The following ADAMTS7 variants were observed in gnomAD, a reference collection of about 807,000 sequenced individuals.
The protein encoded by ADAMTS7 is A disintegrin and metalloproteinase with thrombospondin motifs 7.
In ADAMTS7, 89 loss-of-function variants were observed where a neutral mutation model predicts 172.6. That is an observed-to-expected ratio of 0.52 (90% CI 0.43 to 0.61). The LOEUF is 0.61. Ranked by LOEUF, ADAMTS7 falls within the 20% of genes least tolerant of loss-of-function variation. The probability of loss-of-function intolerance (pLI) is 0.00; values close to 1 mark genes in which losing one functional copy is unlikely to be tolerated. For synonymous variants in ADAMTS7, 885 were observed against 978.4 expected (o/e 0.90, Z 1.78); for missense variants, 1,973 against 2,355.6 (o/e 0.84, Z 3.36).
chr15:78,767,739 A>C, intron 17 of ADAMTS7, 147 bp from the exon 18 acceptor site: 2 of 751,736 alleles, frequency 2.7e-6, no homozygotes, highest in Non-Finnish European at 4.2e-6. Flanking sequence ...CCAGAGCTCC[A>C]AGCTCAGGTA....
chr15:78,800,485 C>T lies in ADAMTS7; in HGVS notation c.163G>A (p.Gly55Ser), dbSNP rs1316067775. ...IVHPVRVDAGGSFLSYELWPR... is the reference protein window; with the variant it reads ...IVHPVRVDAGSSFLSYELWPR... ...CACAGCTCGTAGGACAGGAAGGAGC[C>T]CCCCGCGTCGACTCGAACCGGGTGC... The change falls in exon 2 of 24, where the codon GGC becomes AGC. Residue 55 changes from glycine (G) to serine (S), a missense_variant. Physicochemically the swap from Gly to Ser is moderately conservative, Grantham distance 56. This residue lies in a region of ADAMTS7 where 306 missense variants were observed against 288.0 expected (regional missense o/e 1.06). Transcript: ENST00000388820. The T allele has an allele frequency of 1.9e-6, 3 of 1,609,940 alleles. No homozygotes were observed. Among genetic ancestry groups the T allele is most frequent in the Non-Finnish European group, 2.5e-6 (3 of 1,178,676 alleles).
In ADAMTS7 at chr15:78,796,638, G is replaced by A; in HGVS notation, c.771C>T (p.Tyr257=). ...LVVADAKMVE[Y]HGQPQVESYV... The stretch of plus-strand genomic sequence containing the variant: ...AGCTCTCAACCTGCGGCTGTCCGTG[G>A]TACTCCACCATTTTGGCATCAGCTA... Residue 257 remains tyrosine, a synonymous_variant, in exon 4 of 24, where the codon TAC becomes TAT. Transcript: ENST00000388820. The A allele has an allele frequency of 6.2e-7, 1 of 1,614,088 alleles. No homozygotes were observed. The highest frequency in any genetic ancestry group is 1.1e-5 in the South Asian group (1 of 91,066).
chr15:78,766,340 C>G lies in ADAMTS7; in HGVS notation c.3571G>C (p.Glu1191Gln), dbSNP rs528774660. 2.4e-5 allele frequency: 39 copies of G among 1,610,948 alleles called. No homozygotes were observed. The South Asian group carries it at 3.3e-4, about 14-fold the overall frequency. The change falls in exon 19 of 24, where the codon GAG becomes CAG. Residue 1191 changes from glutamate (E) to glutamine (Q), a missense_variant. This residue lies in a region of ADAMTS7 where 771 missense variants were observed against 952.6 expected (regional missense o/e 0.81). Coordinates refer to ENST00000388820, the MANE Select transcript of ADAMTS7 (RefSeq NM_014272.5). ...TDGLQTPATP[E>Q]SQNDFPVGKD... is the part of the protein sequence containing the mutation. ...CCAACTGGGAAATCATTTTGGCTCT[C>G]AGGGGTGGCAGGTGTCTGCAGGCCA...
intron 8 of ADAMTS7, among the ~76,000 whole-genome samples, chr15:78,787,347 G>GA (rs758238548): frequency 0.37 from 38,691 of 105,426 alleles, 7,332 homozygotes; most frequent in East Asian, 0.52. Flanking sequence ...TAGCAAATTT[G>GA]AAAAAAAAAA....
Position 78,798,130 on chromosome 15 carries a change from A to G in ADAMTS7, c.457-17T>C, listed in dbSNP as rs772854723. On this transcript the variant is annotated splice_polypyrimidine_tract_variant and intron_variant, in intron 2 of 23. Transcript: ENST00000388820. ...CACACCTTTCTGGGGAAGAAGCACC[A>G]GGGTCACACAGGGAGGGCTGGCCCT... 1 of 1,536,458 alleles carries G rather than the reference A, an allele frequency of 6.5e-7. No individual in the cohort carries two copies. The highest frequency in any genetic ancestry group is 1.3e-5 in the South Asian group (1 of 79,112).
intron 16 of ADAMTS7, among the ~76,000 whole-genome samples, chr15:78,770,451 T>C (rs12591098): frequency 1 from 126,730 of 126,916 alleles, 63,272 homozygotes; most frequent in Non-Finnish European, 1. Context: ...GATCAAGGAA[T>C]GGCAGGGGAG....
Position 78,796,731 on chromosome 15 carries a change from CCGCCACTGCTGCCG to C in ADAMTS7, c.664_677del (p.Arg222AlafsTer25). On this transcript the variant is annotated frameshift_variant, in exon 4 of 24. Coordinates refer to ENST00000388820, the MANE Select transcript of ADAMTS7 (RefSeq NM_014272.5). LOFTEE classifies it high-confidence loss of function. The stretch of plus-strand genomic sequence containing the variant: ...GGTGTAGACGCCTCAGCCGTGGCCG[CCGCCACTGCTGCCG>C]CTGCTCCCAACGCTCCCGTCGAGAC... The C allele has an allele frequency of 6.2e-7, 1 of 1,611,934 alleles. No homozygotes were observed. Among genetic ancestry groups the C allele is most frequent in the Non-Finnish European group, 8.5e-7 (1 of 1,179,794 alleles).
intron 8 of ADAMTS7, among the ~76,000 whole-genome samples, chr15:78,783,558 G>A (rs1311686756): frequency 7.2e-5 from 11 of 152,116 alleles, no homozygotes; most frequent in East Asian, 3.9e-4. Flanking sequence ...GATTACAGGC[G>A]TGAGCCACCA....
At position 78,768,052 on chromosome 15, in the gene ADAMTS7, G is replaced by GA. The variant is rs1309934087; in HGVS notation, c.2645+80_2645+81insT. ...GGGTGGGGAGTTGGCGGGGGATGGG[G>GA]TGGGGAGTTGGCGGGGGATGGGGGT... On this transcript the variant is annotated intron_variant, in intron 17 of 23. Coordinates refer to ENST00000388820, the MANE Select transcript of ADAMTS7 (RefSeq NM_014272.5). The GA allele has an allele frequency of 3.9e-5, 44 of 1,121,434 alleles. 3 individuals carry two copies. Among genetic ancestry groups the GA allele is most frequent in the Non-Finnish European group, 5.1e-5 (40 of 791,844 alleles). The allele number at this position is 1,121,434 out of a possible 1,614,324, so 69.5% of individuals were successfully genotyped here.
intron 23 of ADAMTS7, among the ~76,000 whole-genome samples, chr15:78,761,427 G>A (rs1242148134): frequency 1.3e-5 from 2 of 152,184 alleles, no homozygotes; most frequent in African/African-American, 4.8e-5. Context: ...GTCAGCCCCA[G>A]GCCCTCTCCC....
chr15:78,767,146 C>T, intron 18 of ADAMTS7, 95 bp from the exon 19 acceptor site: 1 of 1,335,118 alleles, frequency 7.5e-7, no homozygotes, highest in Non-Finnish European at 1.0e-6. Context: ...TGCCCGATGT[C>T]AGAGTGGCAG....
rs71873869 is a variant in ADAMTS7 at position 78,770,166 on chromosome 15, C to CAAATA, written c.2518+991_2518+995dup. On this transcript the variant is annotated intron_variant, in intron 16 of 23. Coordinates refer to ENST00000388820, the MANE Select transcript of ADAMTS7 (RefSeq NM_014272.5). ...CAACAGAGTGAGACTCCATCTCTAA[C>CAAATA]AAATAAAATAAAATAAAATAAATAA... 7.6e-5 allele frequency among the ~76,000 whole-genome samples: 11 copies of CAAATA among 145,438 alleles called. No individual in the cohort carries two copies. The East Asian group carries it at 7.8e-4, about 10-fold the overall frequency.
At chr15:78,764,975 G>T in intron 19 of ADAMTS7, 1 of 379,242 alleles carries the variant, frequency 2.6e-6, no homozygotes, top group Non-Finnish European at 4.7e-6. Context: ...AGAGGTGGGG[G>T]GAGGGGACCC....
chr15:78,761,024 A>T, intron 23 of ADAMTS7, among the ~76,000 whole-genome samples: 1 of 152,122 alleles, frequency 6.6e-6, no homozygotes, highest in East Asian at 1.9e-4. Context: ...CATAAAGGTG[A>T]GAGACGTGGT....
At chr15:78,777,165 G>A in intron 9 of ADAMTS7, 1 of 572,626 alleles carries the variant, frequency 1.7e-6, no homozygotes, top group South Asian at 2.2e-5. Context: ...CTCCACAGGG[G>A]TTCCTTTTCC....
Position 78,773,277 on chromosome 15 carries a change from A to G in ADAMTS7, c.2011-74T>C. 2 of 1,344,994 alleles carry G rather than the reference A, an allele frequency of 1.5e-6. 1 individual carries two copies. Among genetic ancestry groups the G allele is most frequent in the Non-Finnish European group, 2.1e-6 (2 of 973,290 alleles). 83.3% of individuals were successfully genotyped at this position (1,344,994 alleles called of 1,614,324 possible). A position where few individuals can be genotyped will look rare whatever the true frequency, so the allele number is the denominator to read the frequency against. ...TGTGGCCCCAGCCCCGGGGCCAGCC[A>G]GAGTCAGGAGAAGAAAGCTGGGAGT... On this transcript the variant is annotated intron_variant, in intron 13 of 23. Coordinates refer to ENST00000388820, the MANE Select transcript of ADAMTS7 (RefSeq NM_014272.5).
At chr15:78,760,682 A>G (rs1259349512) in intron 23 of ADAMTS7, among the ~76,000 whole-genome samples, 65 of 152,090 alleles carry the variant, frequency 4.3e-4, no homozygotes, top group Admixed American at 4.3e-3. Flanking sequence ...AGCTTTCCAC[A>G]TGTCCCGCCA....
Position 78,780,053 on chromosome 15 carries a change from C to T in ADAMTS7, c.1323-2465G>A, listed in dbSNP as rs1282710160. On this transcript the variant is annotated intron_variant, in intron 8 of 23. Transcript: ENST00000388820. ...GATGCTGTGTGGCCTTGGGCCTTCA[C>T]GTCCTCATCTACAAGAGGCTGATCC... Among the ~76,000 whole-genome samples, 6 of 145,704 alleles carry T rather than the reference C, an allele frequency of 4.1e-5. No homozygotes were observed. In the South Asian group the frequency reaches 7.1e-4, roughly 17 times the overall value.
At position 78,763,727 on chromosome 15, in the gene ADAMTS7, G is replaced by A. The variant is rs376800676; in HGVS notation, c.4712C>T (p.Thr1571Met). The A allele has an allele frequency of 8.3e-5, 132 of 1,585,108 alleles. No individual in the cohort carries two copies. Among genetic ancestry groups the A allele is most frequent in the Non-Finnish European group, 1.0e-4 (122 of 1,168,048 alleles). ...GCCCCAGGGCCCCACCACCCACTGCGTGCAGGGGTGGGTGTTGCAGGGCCG... is the reference window on the plus strand; with the variant it reads ...GCCCCAGGGCCCCACCACCCACTGCATGCAGGGGTGGGTGTTGCAGGGCCG... ...TTRPCNTHPC[T>M]QWVVGPWGQC... Residue 1571 changes from threonine to methionine, a missense_variant, in exon 22 of 24, where the codon ACG (threonine) becomes ATG (methionine). Physicochemically the swap from Thr to Met is moderately conservative, Grantham distance 81. Transcript: ENST00000388820.
Sources: gnomAD v4.1 joint callset for allele counts (sites outside exome capture counted in the v4.1 genomes callset) on GRCh38, gnomAD v4.1.1 for gene constraint, gnomAD v4.1.1 regional missense constraint, MANE v1.5 for transcripts, NCBI Gene and HGNC (gene_info 2026-07-23, HGNC 2026-07-21) for gene names.